Variants in GPAT4 observed in about 807,000 individuals in gnomAD.
The protein encoded by GPAT4 is 1-AGP acyltransferase 6.
GPAT4 carries 17 observed loss-of-function variants against 58.0 expected under a neutral mutation model. The ratio of observed to expected loss-of-function variants is 0.29; its 90% CI spans 0.20 to 0.44. The LOEUF (loss-of-function observed/expected upper bound fraction) is 0.44. GPAT4 is among the 20% of genes least tolerant of loss of function. GPAT4 has a pLI of 1.00. For missense variants in GPAT4, 377 were observed against 574.5 expected (o/e 0.66, Z 3.51); for synonymous variants, 204 against 210.1 (o/e 0.97, Z 0.25).
intron 2 of GPAT4, among the ~76,000 whole-genome samples, chr8:41,600,132 G>A (rs1454169004): frequency 1.4e-5 from 2 of 142,172 alleles, no homozygotes; most frequent in African/African-American, 2.6e-5. Flanking sequence ...CCTGCCTCCC[G>A]GGTTCAAGCA....
In GPAT4 at chr8:41,599,172, T is replaced by A. The variant is rs777623777; in HGVS notation, c.33T>A (p.Ile11=). MFLLLPFDSL[I]VNLLGISLTV... ...TGTTGCTGCCTTTTGATAGCCTGAT[T>A]GTCAACCTTCTGGGCATCTCCCTGA... Residue 11 remains isoleucine, a synonymous_variant, in exon 2 of 13, where the codon ATT becomes ATA. Coordinates refer to ENST00000396987, the MANE Select transcript of GPAT4 (RefSeq NM_178819.4). The A allele has an allele frequency of 6.2e-7, 1 of 1,613,148 alleles. No individual in the cohort carries two copies. The highest frequency in any genetic ancestry group is 8.5e-7 in the Non-Finnish European group (1 of 1,179,724).
In GPAT4 at chr8:41,624,337, G is replaced by C. The variant is rs571896985; in HGVS notation, c.*3336G>C. Reference sequence around the variant, plus strand: ...GTGACAGGCATTTTTGGGTGCCATCGTGTGACCTTCACGGCACAGCAAACA... The same window carrying C: ...GTGACAGGCATTTTTGGGTGCCATCCTGTGACCTTCACGGCACAGCAAACA... On this transcript the variant is annotated 3_prime_UTR_variant, in exon 13 of 13. Transcript: ENST00000396987. 3 of 152,228 alleles carry C rather than the reference G, an allele frequency of 2.0e-5. No homozygotes were observed. The highest frequency in any genetic ancestry group is 4.8e-5 in the African/African-American group (2 of 41,430). 9.4% of individuals were successfully genotyped at this position (152,228 alleles called of 1,614,324 possible).
Position 41,612,969 on chromosome 8 carries a change from CAG to C in GPAT4, c.911+11_911+12del. Reference sequence around the variant, plus strand: ...CACCTGGTGGCTAAGAGGTAATGGACAGAACACTGCTGTTCTGCTTGGCCAGT... The same window carrying C: ...CACCTGGTGGCTAAGAGGTAATGGACAACACTGCTGTTCTGCTTGGCCAGT... On this transcript the variant is annotated intron_variant, in intron 8 of 12. Transcript: ENST00000396987. 1.2e-6 allele frequency: 2 copies of C among 1,611,642 alleles called. No homozygotes were observed. The highest frequency in any genetic ancestry group is 1.7e-6 in the Non-Finnish European group (2 of 1,178,020).
At chr8:41,618,851 G>A (rs1256047046) in intron 11 of GPAT4, 39 bp downstream of exon 11, 1 of 1,614,230 alleles carries the variant, frequency 6.2e-7, no homozygotes, top group Non-Finnish European at 8.5e-7. Context: ...CCTGCTCTGT[G>A]TAACGTCAAG....
intron 1 of GPAT4, among the ~76,000 whole-genome samples, chr8:41,591,430 A>G (rs1032659306): frequency 3.3e-5 from 5 of 152,218 alleles, no homozygotes; most frequent in African/African-American, 4.8e-5. Context: ...CGAAGTCAGT[A>G]GTTGTTCATT....
chr8:41,619,024 C>T lies in GPAT4; in HGVS notation c.1262+47C>T, dbSNP rs779881286. 6 of 1,591,560 alleles carry T rather than the reference C, an allele frequency of 3.8e-6. 1 individual carries two copies. The South Asian group carries it at 5.5e-5, about 15-fold the overall frequency. ...TTCAGCTGAGTTTCTGCAGCAGATGCTGTGTCATTGACTTCACTTACATGT... is the reference window on the plus strand; with the variant it reads ...TTCAGCTGAGTTTCTGCAGCAGATGTTGTGTCATTGACTTCACTTACATGT... On this transcript the variant is annotated intron_variant, in intron 12 of 12. Transcript: ENST00000396987.
intron 4 of GPAT4, 150 bp from the exon 5 acceptor site, chr8:41,610,586 C>A: frequency 2.0e-6 from 3 of 1,528,602 alleles, no homozygotes; most frequent in Non-Finnish European, 2.6e-6. Context: ...GATAGGCCTG[C>A]TTACATTTCT....
chr8:41,600,857 C>T (rs1328799093), intron 2 of GPAT4, among the ~76,000 whole-genome samples: 19 of 152,136 alleles, frequency 1.2e-4, no homozygotes, highest in Admixed American at 1.2e-3. Context: ...ACCAAATATG[C>T]CCTTTTGTGT....
intron 1 of GPAT4, among the ~76,000 whole-genome samples, chr8:41,592,735 G>C (rs1180055831): frequency 6.6e-6 from 1 of 152,170 alleles, no homozygotes; most frequent in Non-Finnish European, 1.5e-5. Context: ...ATCATAGAAA[G>C]TTTGAAACAC....
chr8:41,609,453 A>G lies in GPAT4; in HGVS notation c.203A>G (p.Lys68Arg). 6.2e-7 allele frequency: 1 copy of G among 1,614,198 alleles called. No individual in the cohort carries two copies. Among genetic ancestry groups the G allele is most frequent in the Non-Finnish European group, 8.5e-7 (1 of 1,180,026 alleles). The change falls in exon 3 of 13, where the codon AAG becomes AGG. Residue 68 changes from lysine (K) to arginine (R), a missense_variant. Physicochemically the swap from Lys to Arg is conservative, Grantham distance 26 (BLOSUM62 2). Coordinates refer to ENST00000396987, the MANE Select transcript of GPAT4 (RefSeq NM_178819.4). The stretch of plus-strand genomic sequence containing the variant: ...AGAATGGAGCGAGGAGCCAAGGAGA[A>G]GAACCACCAGCTTTACAAGCCCTAC... ...TLRMERGAKE[K>R]NHQLYKPYTN... is the part of the protein sequence containing the mutation.
At position 41,621,064 on chromosome 8, in the gene GPAT4, C is replaced by T. The variant is rs546209841; in HGVS notation, c.*63C>T. On this transcript the variant is annotated 3_prime_UTR_variant, in exon 13 of 13. Transcript: ENST00000396987. ...CCAACGGGCTCAGAGCTGGAGTTGC[C>T]GCCGCCGCCCCCACTGCTGTGTCCT... 14 of 1,541,790 alleles carry T rather than the reference C, an allele frequency of 9.1e-6. No individual in the cohort carries two copies. Among genetic ancestry groups the T allele is most frequent in the East Asian group, 4.9e-5 (2 of 40,800 alleles).
Position 41,622,469 on chromosome 8 carries a change from G to A in GPAT4, c.*1468G>A. 6.6e-6 allele frequency: 1 copy of A among 152,482 alleles called. No individual in the cohort carries two copies. The allele number at this position is 152,482 out of a possible 1,614,324, so 9.4% of individuals were successfully genotyped here. A position where few individuals can be genotyped will look rare whatever the true frequency, so the allele number is the denominator to read the frequency against. ...GGTTCTGGGGTTTCACCAGTTTCAT[G>A]CTCCTCAGCTCCCCATTCATGCCCC... On this transcript the variant is annotated 3_prime_UTR_variant, in exon 13 of 13. Transcript: ENST00000396987.
chr8:41,588,472 TCC>T (rs1802710359), intron 1 of GPAT4, among the ~76,000 whole-genome samples: 2 of 151,892 alleles, frequency 1.3e-5, no homozygotes, highest in African/African-American at 2.4e-5. Context: ...TTTTTTCTTT[TCC>T]TTTTCCTTTT....
intron 1 of GPAT4, among the ~76,000 whole-genome samples, chr8:41,592,664 G>T (rs1026454152): frequency 6.6e-6 from 1 of 152,074 alleles, no homozygotes; most frequent in African/African-American, 2.4e-5. Flanking sequence ...CTAAATGCTC[G>T]GCTAATTGCA....
chr8:41,620,235 C>T lies in GPAT4; in HGVS notation c.1263-658C>T, dbSNP rs138300261. Among the ~76,000 whole-genome samples the T allele has an allele frequency of 1.3e-4, 20 of 151,146 alleles. No individual in the cohort carries two copies. The East Asian group carries it at 3.7e-3, about 28-fold the overall frequency. Reference sequence around the variant, plus strand: ...TGGTGATAATTCTAGAGTGTAGGCACGGAGGGGGCCAGCAGGCAAGAGGCA... The same window carrying T: ...TGGTGATAATTCTAGAGTGTAGGCATGGAGGGGGCCAGCAGGCAAGAGGCA... On this transcript the variant is annotated intron_variant, in intron 12 of 12. Transcript: ENST00000396987.
intron 1 of GPAT4, among the ~76,000 whole-genome samples, chr8:41,595,888 A>T (rs1019850555): frequency 6.6e-5 from 10 of 151,092 alleles, no homozygotes; most frequent in Non-Finnish European, 1.5e-5. Flanking sequence ...CCAGCCACTT[A>T]TGCTGCTGTT....
In GPAT4 at chr8:41,599,257, T is replaced by C; in HGVS notation, c.118T>C (p.Phe40Leu). The part of the protein sequence containing the change: ...IIVPAIFGVS[F>L]GIRKLYMKSL... Reference sequence around the variant, plus strand: ...AGTGCCAGCCATTTTTGGAGTCTCCTTTGGTATCCGCAAACTCTACATGAA... The same window carrying C: ...AGTGCCAGCCATTTTTGGAGTCTCCCTTGGTATCCGCAAACTCTACATGAA... Residue 40 changes from phenylalanine (F) to leucine (L), a missense_variant, in exon 2 of 13, where the codon TTT becomes CTT. Transcript: ENST00000396987. 6.2e-7 allele frequency: 1 copy of C among 1,614,196 alleles called. No homozygotes were observed. The highest frequency in any genetic ancestry group is 8.5e-7 in the Non-Finnish European group (1 of 1,180,024).
chr8:41,589,096 G>A (rs1164433893), intron 1 of GPAT4, among the ~76,000 whole-genome samples: 1 of 152,216 alleles, frequency 6.6e-6, no homozygotes, highest in African/African-American at 2.4e-5. Flanking sequence ...GTTTGATTGA[G>A]TTCTGATGTG....
chr8:41,619,628 A>G (rs1205018450), intron 12 of GPAT4, among the ~76,000 whole-genome samples: 1 of 152,226 alleles, frequency 6.6e-6, no homozygotes, highest in Non-Finnish European at 1.5e-5. Context: ...AGGTAGTTTT[A>G]TCCCAAACAG....
Sources: gnomAD v4.1 joint callset for allele counts (sites outside exome capture counted in the v4.1 genomes callset) on GRCh38, gnomAD v4.1.1 for gene constraint, MANE v1.5 for transcripts, NCBI Gene and HGNC (gene_info 2026-07-23, HGNC 2026-07-21) for gene names.